SGTA: variants seen among roughly 807,000 people sequenced by gnomAD.
SGTA encodes small glutamine-rich tetratricopeptide repeat-containing protein alpha.
In SGTA, 22 loss-of-function variants were observed where a neutral mutation model predicts 44.3. That is an observed-to-expected ratio of 0.50 (90% CI 0.36 to 0.71). The LOEUF (loss-of-function observed/expected upper bound fraction) is 0.71. Among genes scored for constraint, SGTA ranks in the 30% least tolerant of loss-of-function variants. The pLI, the probability that SGTA is intolerant of heterozygous loss-of-function variation, is 0.00. For missense variants in SGTA, 341 were observed against 435.9 expected, an observed-to-expected ratio of 0.78 and a Z score of 1.94; for synonymous variants, 174 against 177.6, an observed-to-expected ratio of 0.98 and a Z score of 0.16.
intron 1 of SGTA, among the ~76,000 whole-genome samples, chr19:2,771,533 T>A (rs1274608695): frequency 6.6e-6 from 1 of 150,712 alleles, no homozygotes; most frequent in Non-Finnish European, 1.5e-5. Context: ...GAGCCTCAGT[T>A]TCCTCTTCTG....
In SGTA at chr19:2,767,767, G is replaced by T; in HGVS notation, c.101-81C>A. ...TTTGGGTCTAGAGGGCGGGGTTGGT[G>T]CTCATGCTTCCCCAGGTGTGTTCAT... is the stretch of plus-strand genomic sequence containing the variant. On this transcript the variant is annotated intron_variant, in intron 2 of 11. Transcript: ENST00000221566. The surrounding 1 kb of genome is among the most constrained non-coding windows in gnomAD (Gnocchi z 7.3). The T allele has an allele frequency of 9.6e-7, 1 of 1,042,128 alleles. No homozygotes were observed. The highest frequency in any genetic ancestry group is 1.8e-5 in the Admixed American group (1 of 54,126). 64.6% of individuals were successfully genotyped at this position (1,042,128 alleles called of 1,614,324 possible).
chr19:2,755,797 G>A lies in SGTA; in HGVS notation c.*143C>T. On this transcript the variant is annotated 3_prime_UTR_variant, in exon 12 of 12. Coordinates refer to ENST00000221566, the MANE Select transcript of SGTA (RefSeq NM_003021.4). This position sits in a 1 kb window ranked among gnomAD's most constrained non-coding sequence, Gnocchi z 5.2. ...GAGTGGAGGAGGGCAGAGATAAAAG[G>A]GGAAAATCCATCTTGACATGCAGGT... 2 of 985,556 alleles carry A rather than the reference G, an allele frequency of 2.0e-6. No individual in the cohort carries two copies. The highest frequency in any genetic ancestry group is 2.4e-6 in the Non-Finnish European group (2 of 830,026). The allele number at this position is 985,556 out of a possible 1,614,324, so 61.1% of individuals were successfully genotyped here.
chr19:2,771,895 T>C (rs1270998041), intron 1 of SGTA, among the ~76,000 whole-genome samples: 2 of 152,216 alleles, frequency 1.3e-5, no homozygotes, highest in African/African-American at 4.8e-5. Flanking sequence ...GCCTCCCTTC[T>C]CCACCTGCTC....
intron 1 of SGTA, among the ~76,000 whole-genome samples, chr19:2,778,500 C>A (rs1915495823): frequency 2.6e-5 from 4 of 152,090 alleles, no homozygotes; most frequent in South Asian, 4.2e-4. Flanking sequence ...GAACACCGCC[C>A]CCCCCGGCCC....
chr19:2,756,711 G>A (rs920740121), intron 11 of SGTA, among the ~76,000 whole-genome samples: 4 of 151,636 alleles, frequency 2.6e-5, no homozygotes, highest in Non-Finnish European at 4.4e-5. Context: ...CTGGGAAGCC[G>A]GTGTCTGCTG....
rs531572955 is a variant in SGTA, at chr19:2,761,005, G to A, written c.699+455C>T. On this transcript the variant is annotated intron_variant, in intron 8 of 11. Coordinates refer to ENST00000221566, the MANE Select transcript of SGTA (RefSeq NM_003021.4). This position sits in a 1 kb window ranked among gnomAD's most constrained non-coding sequence, Gnocchi z 5.7. Reference sequence around the variant, plus strand: ...CGTCCCTTTGGAAGCATGAGTGCCCGGGCATCGGGAGGTCCACCTGCGCCC... The same window carrying A: ...CGTCCCTTTGGAAGCATGAGTGCCCAGGCATCGGGAGGTCCACCTGCGCCC... 6.6e-5 allele frequency among the ~76,000 whole-genome samples: 10 copies of A among 152,350 alleles called. No individual in the cohort carries two copies. The highest frequency in any genetic ancestry group is 3.9e-4 in the East Asian group (2 of 5,180).
intron 1 of SGTA, among the ~76,000 whole-genome samples, chr19:2,776,595 T>A (rs1271713728): frequency 6.6e-6 from 1 of 152,160 alleles, no homozygotes; most frequent in East Asian, 1.9e-4. Context: ...GAGAAACTTC[T>A]GGAGATGATG....
At chr19:2,774,605 G>A (rs1915401573) in intron 1 of SGTA, among the ~76,000 whole-genome samples, 1 of 152,096 alleles carries the variant, frequency 6.6e-6, no homozygotes, top group Non-Finnish European at 1.5e-5. Flanking sequence ...ATCAGAGGCA[G>A]GGCACCAAAA....
chr19:2,780,370 A>G (rs200350542), intron 1 of SGTA, among the ~76,000 whole-genome samples: 1 of 151,926 alleles, frequency 6.6e-6, no homozygotes, highest in African/African-American at 2.4e-5. Context: ...TCTCCTGCCC[A>G]CTCCCCACAT....
chr19:2,776,978 A>G (rs1915457888), intron 1 of SGTA, among the ~76,000 whole-genome samples: 1 of 146,346 alleles, frequency 6.8e-6, no homozygotes, highest in Non-Finnish European at 1.5e-5. Context: ...AAAAAGAAAG[A>G]CTGGTCGGGC....
In SGTA at chr19:2,765,141, C is replaced by A; in HGVS notation, c.392+45G>T. On this transcript the variant is annotated intron_variant, in intron 5 of 11. Coordinates refer to ENST00000221566, the MANE Select transcript of SGTA (RefSeq NM_003021.4). This position sits in a 1 kb window ranked among gnomAD's most constrained non-coding sequence, Gnocchi z 5.5. ...CCTGCTAAGCATCCCGGAGGACGCC[C>A]CCGCACCCGGCCGCCCCTGCCCTGG... 1 of 1,423,628 alleles carries A rather than the reference C, an allele frequency of 7.0e-7. No homozygotes were observed. The allele number at this position is 1,423,628 out of a possible 1,614,324, so 88.2% of individuals were successfully genotyped here.
In SGTA at chr19:2,765,845, T is replaced by TC. The variant is rs1915123927; in HGVS notation, c.293-561_293-560insG. Among the ~76,000 whole-genome samples, 1 of 151,128 alleles carries TC rather than the reference T, an allele frequency of 6.6e-6. No individual in the cohort carries two copies. The highest frequency in any genetic ancestry group is 2.4e-5 in the African/African-American group (1 of 41,116). On this transcript the variant is annotated intron_variant, in intron 4 of 11. Transcript: ENST00000221566. The surrounding 1 kb of genome is among the most constrained non-coding windows in gnomAD (Gnocchi z 5.5). ...CCCGAGATCCCAATTCAGGAGGGCG[T>TC]GGGGGGAAGATGGGTATCAGCGTGT...
Position 2,769,205 on chromosome 19 carries a change from T to A in SGTA, c.-23-114A>T, listed in dbSNP as rs976194921. On this transcript the variant is annotated intron_variant, in intron 1 of 11. Transcript: ENST00000221566. ...TTTAAGGGTGCTGGCTGATCTCAGC[T>A]CCAGGACAGCCCAGGTAGAAAGGCC... The A allele has an allele frequency of 4.7e-5, 30 of 636,934 alleles. No homozygotes were observed. In the African/African-American group the frequency reaches 4.7e-4, roughly 10 times the overall value. The allele number at this position is 636,934 out of a possible 1,614,324, so 39.5% of individuals were successfully genotyped here.
chr19:2,767,093 C>T lies in SGTA; in HGVS notation c.292+43G>A, dbSNP rs1247970830. The T allele has an allele frequency of 1.4e-6, 2 of 1,454,438 alleles. No homozygotes were observed. Among genetic ancestry groups the T allele is most frequent in the South Asian group, 1.2e-5 (1 of 84,114 alleles). 90.1% of individuals were successfully genotyped at this position (1,454,438 alleles called of 1,614,324 possible). A position where few individuals can be genotyped will look rare whatever the true frequency, so the allele number is the denominator to read the frequency against. On this transcript the variant is annotated intron_variant, in intron 4 of 11. Transcript: ENST00000221566. This position sits in a 1 kb window ranked among gnomAD's most constrained non-coding sequence, Gnocchi z 7.3. ...GCGAGGGTCCCACAGCCCCGGAGTCCAGGTAGGGCGAGGTGTCTGTGGGGA... is the reference window on the plus strand; with the variant it reads ...GCGAGGGTCCCACAGCCCCGGAGTCTAGGTAGGGCGAGGTGTCTGTGGGGA...
intron 1 of SGTA, among the ~76,000 whole-genome samples, chr19:2,778,338 G>A (rs1303998728): frequency 1.3e-5 from 2 of 152,152 alleles, no homozygotes; most frequent in African/African-American, 2.4e-5. Context: ...TTAAACTGAG[G>A]TGTGAGAACT....
chr19:2,775,407 G>C (rs1468004275), intron 1 of SGTA, among the ~76,000 whole-genome samples: 1 of 152,244 alleles, frequency 6.6e-6, no homozygotes, highest in African/African-American at 2.4e-5. Context: ...GCTTTAAACA[G>C]TGGCTGACGT....
chr19:2,757,386 C>T lies in SGTA; in HGVS notation c.899G>A (p.Arg300Gln), dbSNP rs752936337. The T allele has an allele frequency of 6.2e-6, 10 of 1,607,212 alleles. No individual in the cohort carries two copies. Among genetic ancestry groups the T allele is most frequent in the South Asian group, 3.3e-5 (3 of 91,086 alleles). ...GTTGCTGGCGCTGGGCGTCCGACTC[C>T]GGATCTGGCTCCTGAGCTGCTCTAT... ...ELIEQLRSQI[R>Q]SRTPSASNDD... is the part of the protein sequence containing the mutation. The change falls in exon 11 of 12, where the codon CGG becomes CAG. Residue 300 changes from arginine (R) to glutamine (Q), a missense_variant. Physicochemically the swap from Arg to Gln is conservative, Grantham distance 43. Transcript: ENST00000221566.
In SGTA at chr19:2,765,148, C is replaced by T. The variant is rs1333831693; in HGVS notation, c.392+38G>A. 2.0e-6 allele frequency: 3 copies of T among 1,515,706 alleles called. No individual in the cohort carries two copies. Among genetic ancestry groups the T allele is most frequent in the Non-Finnish European group, 2.7e-6 (3 of 1,091,300 alleles). 93.9% of individuals were successfully genotyped at this position (1,515,706 alleles called of 1,614,324 possible). A position where few individuals can be genotyped will look rare whatever the true frequency, so the allele number is the denominator to read the frequency against. On this transcript the variant is annotated intron_variant, in intron 5 of 11. Transcript: ENST00000221566. The surrounding 1 kb of genome is among the most constrained non-coding windows in gnomAD (Gnocchi z 5.5). Reference sequence around the variant, plus strand: ...AGCATCCCGGAGGACGCCCCCGCACCCGGCCGCCCCTGCCCTGGGCAGGCC... The same window carrying T: ...AGCATCCCGGAGGACGCCCCCGCACTCGGCCGCCCCTGCCCTGGGCAGGCC...
rs1914791352 is a variant in SGTA at position 2,755,354 on chromosome 19, G to A, written c.*586C>T. 1.0e-6 allele frequency: 1 copy of A among 976,688 alleles called. No homozygotes were observed. The highest frequency in any genetic ancestry group is 1.1e-4 in the East Asian group (1 of 8,766). 60.5% of individuals were successfully genotyped at this position (976,688 alleles called of 1,614,324 possible). On this transcript the variant is annotated 3_prime_UTR_variant, in exon 12 of 12. Coordinates refer to ENST00000221566, the MANE Select transcript of SGTA (RefSeq NM_003021.4). This position sits in a 1 kb window ranked among gnomAD's most constrained non-coding sequence, Gnocchi z 5.2. ...GGCTCCTGAGCCGCGGAGGCGTGGG[G>A]TGACCGCAGCCGTCTCTTAGGTGTC...
Sources: allele counts gnomAD v4.1 joint callset (sites outside exome capture counted in the v4.1 genomes callset), GRCh38; gene constraint gnomAD v4.1.1; non-coding constraint Gnocchi (gnomAD v3.1); transcripts MANE v1.5; gene names NCBI Gene and HGNC (gene_info 2026-07-23, HGNC 2026-07-21).